The following MAP3K15 variants were observed in gnomAD, a reference collection of about 807,000 sequenced individuals.
The protein encoded by MAP3K15 is MAPK/ERK kinase kinase 15.
A neutral mutation model predicts 99.5 loss-of-function variants in MAP3K15; 124 were observed. The ratio of observed to expected loss-of-function variants is 1.25; its 90% CI spans 1.08 to 1.45. The LOEUF (loss-of-function observed/expected upper bound fraction) is 1.45. MAP3K15 is among the 40% of genes most tolerant of loss of function. MAP3K15 has a pLI of 0.00. For synonymous variants in MAP3K15, 494 were observed against 439.6 expected (o/e 1.12, Z -1.55); for missense variants, 1,242 against 1,079.7 (o/e 1.15, Z -2.11).
At chrX:19,463,107 T>A (rs2064143168) in intron 4 of MAP3K15, among the ~76,000 whole-genome samples, 1 of 111,992 alleles carries the variant, frequency 8.9e-6, no homozygotes, top group Non-Finnish European at 1.9e-5. Flanking sequence ...TGTTTTGCAA[T>A]CAGACAACAG....
At chrX:19,422,684 AC>A (rs1383111722) in intron 9 of MAP3K15, among the ~76,000 whole-genome samples, 3 of 111,966 alleles carry the variant, frequency 2.7e-5, no homozygotes, top group Non-Finnish European at 5.6e-5. Context: ...CTGGGTATAT[AC>A]CCAAAGGATT....
intron 1 of MAP3K15, among the ~76,000 whole-genome samples, chrX:19,501,763 T>C (rs899181847): frequency 2.7e-5 from 3 of 112,031 alleles, no homozygotes; most frequent in African/African-American, 9.7e-5. Flanking sequence ...AGATCAATCA[T>C]TAAATCAATA....
At chrX:19,480,132 G>A (rs902814539) in intron 3 of MAP3K15, among the ~76,000 whole-genome samples, 7 of 112,141 alleles carry the variant, frequency 6.2e-5, no homozygotes, top group African/African-American at 2.3e-4. Flanking sequence ...ATAAATTAAA[G>A]AAGACCTAAA....
At chrX:19,445,479 A>C (rs965297613) in intron 6 of MAP3K15, among the ~76,000 whole-genome samples, 9 of 105,934 alleles carry the variant, frequency 8.5e-5, no homozygotes, top group Non-Finnish European at 1.7e-4. Flanking sequence ...AATTTCAGCT[A>C]CTCGGGGGGC....
At chrX:19,364,238 C>A (rs765959204) in intron 25 of MAP3K15, among the ~76,000 whole-genome samples, 1 of 112,128 alleles carries the variant, frequency 8.9e-6, no homozygotes, top group Admixed American at 9.4e-5. Flanking sequence ...CTCCTGAAAC[C>A]CAGTCTTGCT....
chrX:19,424,273 T>C (rs12392671), intron 9 of MAP3K15, among the ~76,000 whole-genome samples: 2 of 104,854 alleles, frequency 1.9e-5, no homozygotes. Flanking sequence ...TATACACACA[T>C]ATATACACAC....
chrX:19,391,674 C>CAAAAAA (rs759061873), intron 18 of MAP3K15, among the ~76,000 whole-genome samples: 6 of 28,472 alleles, frequency 2.1e-4, no homozygotes, highest in African/African-American at 5.3e-4. Flanking sequence ...GACCCCGTCT[C>CAAAAAA]AAAAAAAAAA....
At chrX:19,462,481 A>G (rs1481434989) in intron 4 of MAP3K15, among the ~76,000 whole-genome samples, 1 of 112,383 alleles carries the variant, frequency 8.9e-6, no homozygotes, top group Admixed American at 9.4e-5. Context: ...TGAAGCTATT[A>G]AAGTGTTATT....
chrX:19,503,847 GGTCACACCT>G (rs1352936134), intron 1 of MAP3K15, among the ~76,000 whole-genome samples: 2 of 110,009 alleles, frequency 1.8e-5, no homozygotes, highest in Non-Finnish European at 3.8e-5. Context: ...AGGCATGGTG[GGTCACACCT>G]GTAATCCCGG....
chrX:19,477,880 GGA>G (rs759246189), intron 3 of MAP3K15, among the ~76,000 whole-genome samples: 34 of 330 alleles, frequency 0.1, 9 homozygotes, highest in African/African-American at 0.28. Context: ...GGAAGGACAG[GGA>G]GAGAGAGAGA....
At chrX:19,368,545 T>A (rs767588144) in intron 25 of MAP3K15, among the ~76,000 whole-genome samples, 1 of 113,007 alleles carries the variant, frequency 8.8e-6, no homozygotes, top group African/African-American at 3.2e-5. Context: ...GTTGGGAAGC[T>A]AGTCCACTAA....
intron 26 of MAP3K15, 80 bp from the exon 27 acceptor site, chrX:19,361,673 T>TCCA (rs1202924209): frequency 5.9e-6 from 4 of 677,417 alleles, no homozygotes; most frequent in Non-Finnish European, 9.2e-6. Context: ...AATAAATGAT[T>TCCA]CCAGAATGTA....
chrX:19,387,099 A>G (rs2063498336), intron 18 of MAP3K15, among the ~76,000 whole-genome samples: 1 of 112,199 alleles, frequency 8.9e-6, no homozygotes, highest in Non-Finnish European at 1.9e-5. Flanking sequence ...CCAAGGGATA[A>G]GCCTGGTGGA....
intron 3 of MAP3K15, among the ~76,000 whole-genome samples, chrX:19,482,515 A>G (rs1314026197): frequency 8.9e-6 from 1 of 112,193 alleles, no homozygotes; most frequent in African/African-American, 3.2e-5. Flanking sequence ...CACATATTGT[A>G]TGGTTCCTTT....
chrX:19,502,396 T>G (rs780108239), intron 1 of MAP3K15, among the ~76,000 whole-genome samples: 2 of 111,461 alleles, frequency 1.8e-5, no homozygotes, highest in Non-Finnish European at 3.8e-5. Context: ...GGTTTAAAAG[T>G]GGCAGTTTCC....
intron 25 of MAP3K15, among the ~76,000 whole-genome samples, chrX:19,365,900 G>C (rs765741485): frequency 1.8e-4 from 19 of 107,814 alleles, no homozygotes; most frequent in African/African-American, 6.8e-5. Flanking sequence ...CCAGGTACTC[G>C]GGAGGCTGAG....
chrX:19,428,642 C>G (rs1276671814), intron 7 of MAP3K15, among the ~76,000 whole-genome samples: 2 of 111,882 alleles, frequency 1.8e-5, no homozygotes, highest in Non-Finnish European at 3.8e-5. Context: ...AGGGCTATCT[C>G]ACCTAGATAC....
chrX:19,449,536 A>G lies in MAP3K15; in HGVS notation c.995+7377T>C, dbSNP rs373587116. On this transcript the variant is annotated intron_variant, in intron 6 of 28. Coordinates refer to ENST00000338883, the MANE Select transcript of MAP3K15 (RefSeq NM_001001671.4). ...GTTACATTGGGTGAGGTGCGGGGGG[A>G]GTGGTATTGGCATCTAGTGGGTAAA... Among the ~76,000 whole-genome samples the G allele has an allele frequency of 2.5e-4, 27 of 108,191 alleles. 1 individual carries two copies. The East Asian group carries it at 5.7e-3, about 23-fold the overall frequency. 94.0% of individuals were successfully genotyped at this position (108,191 alleles called of 115,157 possible).
intron 9 of MAP3K15, among the ~76,000 whole-genome samples, chrX:19,416,387 A>G (rs185807576): frequency 3.9e-4 from 43 of 111,289 alleles, no homozygotes; most frequent in African/African-American, 1.4e-3. Flanking sequence ...TCATTTTTGC[A>G]TGAGAAGTTC....
Sources: allele counts gnomAD v4.1 joint callset (sites outside exome capture counted in the v4.1 genomes callset), GRCh38; gene constraint gnomAD v4.1.1; transcripts MANE v1.5; gene names NCBI Gene and HGNC (gene_info 2026-07-23, HGNC 2026-07-21).